Variants in NOX3 observed in about 807,000 individuals in gnomAD.
NOX3 encodes the protein NADPH oxidase catalytic subunit-like 3.
In NOX3, 74 loss-of-function variants were observed where a neutral mutation model predicts 76.7. The observed-to-expected ratio is 0.96, with a 90% CI of 0.80 to 1.17. NOX3 has a LOEUF of 1.17. Among genes scored for constraint, NOX3 ranks in the 50% most tolerant of loss-of-function variants. The pLI, the probability that NOX3 is intolerant of heterozygous loss-of-function variation, is 0.00. For missense variants in NOX3, 695 were observed against 703.3 expected, an observed-to-expected ratio of 0.99 and a Z score of 0.13; for synonymous variants, 263 against 261.1, an observed-to-expected ratio of 1.01 and a Z score of -0.07.
intron 4 of NOX3, among the ~76,000 whole-genome samples, chr6:155,444,959 A>G (rs967630472): frequency 1.1e-4 from 16 of 152,224 alleles, no homozygotes; most frequent in African/African-American, 3.9e-4. Context: ...TACCTTCTGT[A>G]TATTCTTAAG....
At chr6:155,442,987 T>C (rs543643106) in intron 5 of NOX3, among the ~76,000 whole-genome samples, 2 of 152,320 alleles carry the variant, frequency 1.3e-5, no homozygotes, top group South Asian at 4.1e-4. Context: ...AAATGTTAAA[T>C]TTTAAAATAT....
chr6:155,426,475 G>A (rs941764703), intron 9 of NOX3, among the ~76,000 whole-genome samples: 8 of 152,218 alleles, frequency 5.3e-5, no homozygotes, highest in African/African-American at 7.2e-5. Context: ...CATGGCGATT[G>A]AGTGACTGCT....
rs748271743 is a variant in NOX3 at position 155,443,365 on chromosome 6, A to G, written c.394T>C (p.Ser132Pro). The G allele has an allele frequency of 6.2e-7, 1 of 1,614,046 alleles. No individual in the cohort carries two copies. The highest frequency in any genetic ancestry group is 8.5e-7 in the Non-Finnish European group (1 of 1,179,978). The stretch of plus-strand genomic sequence containing the variant: ...GCCAGAAGTCCCTGGGCCTCCTCGG[A>G]CTGGCTCCAGTGGTAGCGTTCCAGG... ...FNLERYHWSQ[S>P]EEAQGLLAAL... is the part of the protein sequence containing the mutation. Residue 132 changes from serine to proline, a missense_variant, in exon 5 of 14, where the codon TCC (serine) becomes CCC (proline). Physicochemically the swap from Ser to Pro is moderately conservative, Grantham distance 74. Coordinates refer to ENST00000159060, the MANE Select transcript of NOX3 (RefSeq NM_015718.3).
At chr6:155,429,911 G>A (rs1197616020) in intron 8 of NOX3, among the ~76,000 whole-genome samples, 1 of 152,152 alleles carries the variant, frequency 6.6e-6, no homozygotes, top group African/African-American at 2.4e-5. Context: ...GCTGTTAAAT[G>A]GTCTCCCTCG....
chr6:155,428,330 C>T lies in NOX3; in HGVS notation c.1145+464G>A, dbSNP rs887393785. On this transcript the variant is annotated intron_variant, in intron 9 of 13. Coordinates refer to ENST00000159060, the MANE Select transcript of NOX3 (RefSeq NM_015718.3). ...TGAATAAAGCTAAGATGAGGTCATG[C>T]TGGAGTGGTATGGGCCCTTATATCC... Among the ~76,000 whole-genome samples, 3 of 152,298 alleles carry T rather than the reference C, an allele frequency of 2.0e-5. No individual in the cohort carries two copies. In the South Asian group the frequency reaches 6.2e-4, roughly 32 times the overall value.
intron 3 of NOX3, among the ~76,000 whole-genome samples, chr6:155,454,410 T>A (rs999506230): frequency 2.0e-5 from 3 of 152,338 alleles, no homozygotes; most frequent in East Asian, 1.9e-4. Flanking sequence ...AAAATCTACA[T>A]AATAAAATCT....
At chr6:155,431,885 T>C (rs961439078) in intron 7 of NOX3, among the ~76,000 whole-genome samples, 2 of 152,164 alleles carry the variant, frequency 1.3e-5, no homozygotes, top group African/African-American at 2.4e-5. Context: ...GCCTGAGTTC[T>C]TACCAGGACC....
chr6:155,427,970 G>A (rs1024230293), intron 9 of NOX3, among the ~76,000 whole-genome samples: 3 of 151,978 alleles, frequency 2.0e-5, no homozygotes, highest in Non-Finnish European at 2.9e-5. Context: ...GCGCGATCTC[G>A]GCTCACTGCA....
At chr6:155,407,457 G>A (rs1776479717) in intron 11 of NOX3, among the ~76,000 whole-genome samples, 1 of 152,222 alleles carries the variant, frequency 6.6e-6, no homozygotes, top group African/African-American at 2.4e-5. Flanking sequence ...ATCAGGCCTT[G>A]TTGGAACCAA....
intron 9 of NOX3, among the ~76,000 whole-genome samples, chr6:155,427,009 G>GTA (rs1776765679): frequency 1.0e-5 from 1 of 95,452 alleles, no homozygotes; most frequent in Non-Finnish European, 2.5e-5. Flanking sequence ...GTGTGTGTGT[G>GTA]TGTGTGTGTG....
chr6:155,437,928 G>A (rs1052678883), intron 6 of NOX3, among the ~76,000 whole-genome samples: 15 of 152,196 alleles, frequency 9.9e-5, no homozygotes, highest in African/African-American at 3.4e-4. Flanking sequence ...TTCACACTGA[G>A]AAGATTAAAT....
At chr6:155,426,527 G>A (rs1776756737) in intron 9 of NOX3, among the ~76,000 whole-genome samples, 1 of 152,222 alleles carries the variant, frequency 6.6e-6, no homozygotes, top group South Asian at 2.1e-4. Flanking sequence ...GGCCTCACTA[G>A]AAGGGGACAT....
chr6:155,410,318 T>TGC (rs999615756), intron 11 of NOX3, among the ~76,000 whole-genome samples: 11 of 151,398 alleles, frequency 7.3e-5, no homozygotes, highest in East Asian at 1.9e-4. Flanking sequence ...TGTGTGTGTG[T>TGC]GCGCACGCAT....
At chr6:155,427,692 A>C (rs1776775164) in intron 9 of NOX3, among the ~76,000 whole-genome samples, 1 of 152,170 alleles carries the variant, frequency 6.6e-6, no homozygotes, top group Non-Finnish European at 1.5e-5. Flanking sequence ...CAAATATGAA[A>C]TTCTTCCAAA....
chr6:155,442,473 G>A (rs1448052576), intron 5 of NOX3, among the ~76,000 whole-genome samples: 1 of 152,066 alleles, frequency 6.6e-6, no homozygotes, highest in Non-Finnish European at 1.5e-5. Context: ...AAGAATGGAG[G>A]GATTTTCATT....
chr6:155,440,686 A>C (rs377281987), intron 5 of NOX3, among the ~76,000 whole-genome samples: 2,756 of 150,756 alleles, frequency 0.018, 37 homozygotes, highest in East Asian at 0.027. Flanking sequence ...GAAAAAACAA[A>C]AAAAAAAAAA....
intron 4 of NOX3, among the ~76,000 whole-genome samples, chr6:155,447,390 T>A (rs1285475259): frequency 1.3e-5 from 2 of 152,248 alleles, no homozygotes; most frequent in Non-Finnish European, 2.9e-5. Flanking sequence ...TGCAATTTGT[T>A]TTCTGTTAGA....
intron 4 of NOX3, among the ~76,000 whole-genome samples, chr6:155,449,768 C>T (rs191468294): frequency 6.6e-6 from 1 of 152,248 alleles, no homozygotes; most frequent in East Asian, 1.9e-4. Context: ...TCGATGTGGT[C>T]GCACTTTTTC....
intron 12 of NOX3, among the ~76,000 whole-genome samples, chr6:155,400,643 T>C (rs1489522808): frequency 3.3e-5 from 1 of 30,670 alleles, no homozygotes; most frequent in African/African-American, 8.2e-5. Flanking sequence ...CTGGCCAGCT[T>C]TTTTTTTTTT....
Sources: allele counts gnomAD v4.1 joint callset (sites outside exome capture counted in the v4.1 genomes callset), GRCh38; gene constraint gnomAD v4.1.1; transcripts MANE v1.5; gene names NCBI Gene and HGNC (gene_info 2026-07-23, HGNC 2026-07-21).